Variants in EIF2B3 observed in about 807,000 individuals in gnomAD.
EIF2B3 encodes the protein translation initiation factor eIF2B subunit gamma.
EIF2B3 carries 20 observed loss-of-function variants against 54.1 expected under a neutral mutation model. The observed-to-expected ratio is 0.37, with a 90% confidence interval of 0.26 to 0.54. EIF2B3 has a LOEUF of 0.54. EIF2B3 is among the 20% of genes least tolerant of loss of function. EIF2B3 has a pLI of 0.86. For missense variants in EIF2B3, 448 were observed against 547.8 expected, an observed-to-expected ratio of 0.82 and a Z score of 1.82; for synonymous variants, 153 against 188.1, an observed-to-expected ratio of 0.81 and a Z score of 1.52.
intron 10 of EIF2B3, among the ~76,000 whole-genome samples, chr1:44,871,168 C>T (rs898475088): frequency 6.6e-6 from 1 of 152,228 alleles, no homozygotes; most frequent in African/African-American, 2.4e-5. Flanking sequence ...ATTGCTCAAG[C>T]AACAAATCTG....
intron 8 of EIF2B3, among the ~76,000 whole-genome samples, chr1:44,876,338 G>A (rs1017263222): frequency 7.0e-6 from 1 of 143,326 alleles, no homozygotes; most frequent in African/African-American, 2.7e-5. Flanking sequence ...TGGGATGTGG[G>A]GAGCGCCTCT....
At chr1:44,939,010 A>T (rs1348567264) in intron 4 of EIF2B3, among the ~76,000 whole-genome samples, 1 of 142,844 alleles carries the variant, frequency 7.0e-6, no homozygotes, top group African/African-American at 2.6e-5. Context: ...CTGAGGTGGG[A>T]GGATTGCTTG....
intron 1 of EIF2B3, 107 bp from the exon 2 acceptor site, chr1:44,981,284 C>T (rs561315899): frequency 8.8e-6 from 10 of 1,134,714 alleles, no homozygotes; most frequent in Non-Finnish European, 1.3e-5. Flanking sequence ...CCCACTATGT[C>T]AAATGCATAA....
In EIF2B3 at chr1:44,869,657, G is replaced by A. The variant is rs191237323; in HGVS notation, c.1202+5021C>T. ...GCTCTGTCACCCAGGCTGGAGTGCA[G>A]TGGTGTGATTTCAGCTCACTGCAAT... On this transcript the variant is annotated intron_variant, in intron 10 of 11. Coordinates refer to ENST00000360403, the MANE Select transcript of EIF2B3 (RefSeq NM_020365.5). Among the ~76,000 whole-genome samples the A allele has an allele frequency of 2.7e-3, 353 of 131,762 alleles. 2 individuals carry two copies. Among genetic ancestry groups the A allele is most frequent in the Non-Finnish European group, 3.5e-3 (226 of 64,320 alleles). The allele number at this position is 131,762 out of a possible 152,430, so 86.4% of individuals were successfully genotyped here.
chr1:44,875,475 G>T, intron 9 of EIF2B3, 143 bp downstream of exon 9: 2 of 788,206 alleles, frequency 2.5e-6, no homozygotes, highest in Non-Finnish European at 4.4e-6. Flanking sequence ...CTTGTTGAGT[G>T]AGATTTTATT....
chr1:44,876,360 C>G (rs1239469736), intron 8 of EIF2B3, among the ~76,000 whole-genome samples: 1 of 145,378 alleles, frequency 6.9e-6, no homozygotes, highest in African/African-American at 2.6e-5. Context: ...CCCCGCCGCC[C>G]CGTCTGGGAT....
intron 3 of EIF2B3, among the ~76,000 whole-genome samples, chr1:44,953,187 T>G (rs867485635): frequency 1.3e-5 from 2 of 151,258 alleles, no homozygotes; most frequent in Non-Finnish European, 2.9e-5. Flanking sequence ...ACACAATTTA[T>G]TTTTATAAGC....
At chr1:44,894,518 C>A (rs571550934) in intron 6 of EIF2B3, among the ~76,000 whole-genome samples, 24 of 152,218 alleles carry the variant, frequency 1.6e-4, no homozygotes, top group African/African-American at 5.5e-4. Context: ...AGGTAGATAT[C>A]CATTCTCAAA....
chr1:44,906,074 T>C (rs574389693), intron 5 of EIF2B3, among the ~76,000 whole-genome samples: 1 of 152,308 alleles, frequency 6.6e-6, no homozygotes, highest in African/African-American at 2.4e-5. Context: ...TCTTTCAAGC[T>C]ATCCTTCTAA....
intron 6 of EIF2B3, among the ~76,000 whole-genome samples, chr1:44,888,602 G>A (rs371197935): frequency 3.3e-5 from 5 of 152,008 alleles, no homozygotes; most frequent in African/African-American, 4.8e-5. Context: ...AAGTTGTAAC[G>A]AATCTAATGT....
intron 3 of EIF2B3, among the ~76,000 whole-genome samples, chr1:44,947,875 C>T (rs1379829111): frequency 6.6e-6 from 1 of 152,008 alleles, no homozygotes; most frequent in East Asian, 1.9e-4. Context: ...TTTTTCTTTT[C>T]TTTTCTTTTT....
At chr1:44,918,209 G>A (rs2355951) in intron 5 of EIF2B3, among the ~76,000 whole-genome samples, 1 of 150,166 alleles carries the variant, frequency 6.7e-6, no homozygotes, top group Admixed American at 6.7e-5. Flanking sequence ...TCAGCCTCCC[G>A]AGTAGCTGGG....
At chr1:44,877,205 A>AC (rs1326077816) in intron 8 of EIF2B3, among the ~76,000 whole-genome samples, 19 of 146,966 alleles carry the variant, frequency 1.3e-4, no homozygotes, top group African/African-American at 3.5e-4. Flanking sequence ...AAAAAAAAAA[A>AC]AAAAAAAAAA....
rs796362257 is a variant in EIF2B3 at position 44,920,886 on chromosome 1, T to C, written c.566+5742A>G. On this transcript the variant is annotated intron_variant, in intron 5 of 11. Transcript: ENST00000360403. ...ATATCTCTTCAATATACTGATTTCCTTTCTTGTGGGTATATACCTAGGAGT... is the reference window on the plus strand; with the variant it reads ...ATATCTCTTCAATATACTGATTTCCCTTCTTGTGGGTATATACCTAGGAGT... Among the ~76,000 whole-genome samples, 21 of 152,352 alleles carry C rather than the reference T, an allele frequency of 1.4e-4. 1 individual carries two copies. The highest frequency in any genetic ancestry group is 5.1e-4 in the African/African-American group (21 of 41,584).
intron 8 of EIF2B3, among the ~76,000 whole-genome samples, chr1:44,877,936 T>C (rs1569593654): frequency 6.6e-6 from 1 of 152,320 alleles, no homozygotes; most frequent in South Asian, 2.1e-4. Context: ...GCCCGTCTGC[T>C]GCATAGTCCC....
At chr1:44,871,808 A>T (rs1305887858) in intron 10 of EIF2B3, among the ~76,000 whole-genome samples, 2 of 151,486 alleles carry the variant, frequency 1.3e-5, no homozygotes, top group Non-Finnish European at 2.9e-5. Flanking sequence ...AAGAGGTGAC[A>T]TTTGAGCTAA....
chr1:44,873,397 A>G (rs1655023230), intron 10 of EIF2B3, among the ~76,000 whole-genome samples: 1 of 152,094 alleles, frequency 6.6e-6, no homozygotes, highest in South Asian at 2.1e-4. Flanking sequence ...GGCATTATCA[A>G]TTGGCTTTCT....
chr1:44,914,819 G>A (rs1643589537), intron 5 of EIF2B3, among the ~76,000 whole-genome samples: 1 of 152,044 alleles, frequency 6.6e-6, no homozygotes, highest in African/African-American at 2.4e-5. Flanking sequence ...CTCCCAAGTG[G>A]CTGGGACTAC....
chr1:44,879,683 C>T lies in EIF2B3; in HGVS notation c.975+135G>A, dbSNP rs3738249. 6,702 of 1,006,632 alleles carry T rather than the reference C, an allele frequency of 6.7e-3. 36 individuals carry two copies. Among genetic ancestry groups the T allele is most frequent in the East Asian group, 0.014 (531 of 39,092 alleles). 62.4% of individuals were successfully genotyped at this position (1,006,632 alleles called of 1,614,324 possible). On this transcript the variant is annotated intron_variant, in intron 8 of 11. Coordinates refer to ENST00000360403, the MANE Select transcript of EIF2B3 (RefSeq NM_020365.5). ...TGAGTACCCTAGTAGTCTCCCTTGA[C>T]GTGCCAGGTCTTGCTCAACCTTGGG...
Sources: allele counts gnomAD v4.1 joint callset (sites outside exome capture counted in the v4.1 genomes callset), GRCh38; gene constraint gnomAD v4.1.1; transcripts MANE v1.5; gene names NCBI Gene and HGNC (gene_info 2026-07-23, HGNC 2026-07-21).